SPMIP4: variants seen among roughly 807,000 people sequenced by gnomAD.
The protein encoded by SPMIP4 is sperm microtubule inner protein 4.
At chr7:25,145,322 C>G in the SPMIP4 span, among the ~76,000 whole-genome samples, 1 of 152,242 alleles carries the variant, frequency 6.6e-6, no homozygotes, top group East Asian at 1.9e-4. Flanking sequence ...GTATCTTACA[C>G]TGGTTGAACT....
chr7:25,133,518 G>C, the SPMIP4 span, among the ~76,000 whole-genome samples: 1 of 152,206 alleles, frequency 6.6e-6, no homozygotes, highest in Admixed American at 6.5e-5. Context: ...ATATTTAGAA[G>C]ATCTCTCAGA....
the SPMIP4 span, among the ~76,000 whole-genome samples, chr7:25,140,404 C>A: frequency 6.6e-6 from 1 of 152,192 alleles, no homozygotes; most frequent in African/African-American, 2.4e-5. Context: ...CAGATTCAAG[C>A]GATTCTCCCA....
chr7:25,160,748 T>C, the SPMIP4 span, among the ~76,000 whole-genome samples: 1 of 152,232 alleles, frequency 6.6e-6, no homozygotes, highest in Non-Finnish European at 1.5e-5. Flanking sequence ...AAAATAATAC[T>C]TAGGAAGTGT....
the SPMIP4 span, chr7:25,142,311 A>AG: frequency 1.2e-6 from 2 of 1,612,004 alleles, no homozygotes; most frequent in East Asian, 2.2e-5. Flanking sequence ...ATCCAGTTCA[A>AG]GGGGGTCCAT....
chr7:25,153,582 T>C, the SPMIP4 span, among the ~76,000 whole-genome samples: 1 of 151,090 alleles, frequency 6.6e-6, no homozygotes, highest in South Asian at 2.1e-4. Flanking sequence ...AAAAAAGTGT[T>C]GTTATGAATT....
At chr7:25,129,324 A>G in the SPMIP4 span, among the ~76,000 whole-genome samples, 2 of 152,186 alleles carry the variant, frequency 1.3e-5, no homozygotes, top group African/African-American at 2.4e-5. Context: ...GCTTGGATGA[A>G]TGACTCCTCT....
At chr7:25,151,224 A>ATT in the SPMIP4 span, among the ~76,000 whole-genome samples, 5 of 145,400 alleles carry the variant, frequency 3.4e-5, no homozygotes, top group African/African-American at 1.0e-4. Flanking sequence ...AAACTTTTAG[A>ATT]TTTTTTTTTT....
At chr7:25,151,818 A>C in the SPMIP4 span, 2 of 517,222 alleles carry the variant, frequency 3.9e-6, no homozygotes. Context: ...ACAGCTTTAG[A>C]GAGATTCAGC....
At chr7:25,140,712 A>G in the SPMIP4 span, among the ~76,000 whole-genome samples, 1 of 149,652 alleles carries the variant, frequency 6.7e-6, no homozygotes, top group South Asian at 2.1e-4. Flanking sequence ...CTCAGCCTCC[A>G]GAGTAGCTGG....
At chr7:25,126,279 C>T in the SPMIP4 span, among the ~76,000 whole-genome samples, 2 of 152,058 alleles carry the variant, frequency 1.3e-5, no homozygotes, top group Non-Finnish European at 2.9e-5. Flanking sequence ...TCTTCAGTGG[C>T]GCCATTTAAT....
the SPMIP4 span, among the ~76,000 whole-genome samples, chr7:25,126,715 GTT>G: frequency 2.6e-5 from 4 of 152,190 alleles, no homozygotes. Context: ...GATATGAACA[GTT>G]TACACACAAT....
the SPMIP4 span, chr7:25,158,667 A>G: frequency 1.5e-6 from 1 of 653,586 alleles, no homozygotes; most frequent in Admixed American, 2.5e-5. Context: ...TGGGAGGCCA[A>G]GGTGGGCGGA....
At chr7:25,142,257 C>T in the SPMIP4 span, 1 of 1,612,776 alleles carries the variant, frequency 6.2e-7, no homozygotes. Flanking sequence ...TGGGTCAAAT[C>T]CTATCTTTCG....
At chr7:25,136,101 A>G in the SPMIP4 span, 1 of 1,614,098 alleles carries the variant, frequency 6.2e-7, no homozygotes, top group South Asian at 1.1e-5. The surrounding 1 kb of genome is among the most constrained non-coding windows in gnomAD (Gnocchi z 5.7). Flanking sequence ...CAGTTTTTGA[A>G]AAAGAGTTCT....
chr7:25,175,368 C>T, the SPMIP4 span, among the ~76,000 whole-genome samples: 3 of 152,146 alleles, frequency 2.0e-5, no homozygotes, highest in Non-Finnish European at 4.4e-5. Flanking sequence ...AGTGATCCTC[C>T]CACCTCAGCC....
At chr7:25,136,209 C>A in the SPMIP4 span, 1 of 1,614,158 alleles carries the variant, frequency 6.2e-7, no homozygotes, top group Non-Finnish European at 8.5e-7. The surrounding 1 kb of genome is among the most constrained non-coding windows in gnomAD (Gnocchi z 5.7). Flanking sequence ...TATTCAAGAA[C>A]AACTCTTCTT....
the SPMIP4 span, chr7:25,161,230 C>G: frequency 1.3e-5 from 20 of 1,559,422 alleles, no homozygotes; most frequent in East Asian, 1.8e-4. Context: ...TGTTCTGGGT[C>G]AAATAATAAA....
chr7:25,176,113 C>T, the SPMIP4 span, among the ~76,000 whole-genome samples: 1 of 152,136 alleles, frequency 6.6e-6, no homozygotes, highest in Non-Finnish European at 1.5e-5. This position sits in a 1 kb window ranked among gnomAD's most constrained non-coding sequence, Gnocchi z 4.4. Context: ...GGCCATATAT[C>T]GTGTTGAATT....
At chr7:25,143,016 A>T in the SPMIP4 span, among the ~76,000 whole-genome samples, 2 of 152,210 alleles carry the variant, frequency 1.3e-5, no homozygotes, top group Non-Finnish European at 1.5e-5. Context: ...TATCAAATAA[A>T]TGGTAAGGTC....
Sources: gnomAD v4.1 joint callset for allele counts (sites outside exome capture counted in the v4.1 genomes callset) on GRCh38, gnomAD v4.1.1 for gene constraint, Gnocchi (gnomAD v3.1) non-coding constraint, MANE v1.5 for transcripts, NCBI Gene and HGNC (gene_info 2026-07-23, HGNC 2026-07-21) for gene names.